Variants in SH2B2 observed in about 807,000 individuals in gnomAD.
SH2B2 encodes SH2B adaptor protein 2.
Under a neutral mutation model 35.7 loss-of-function variants are expected in SH2B2, and 37 were observed. The observed-to-expected ratio is 1.04, with a 90% confidence interval of 0.80 to 1.36. The LOEUF (loss-of-function observed/expected upper bound fraction) is 1.36. Among genes scored for constraint, SH2B2 ranks in the 40% most tolerant of loss-of-function variants. The probability of loss-of-function intolerance (pLI) is 0.00; values close to 1 mark genes in which losing one functional copy is unlikely to be tolerated. For synonymous variants in SH2B2, 383 were observed against 376.4 expected (o/e 1.02, Z -0.20); for missense variants, 852 against 817.7 (o/e 1.04, Z -0.51).
rs782550974 is a variant in SH2B2 at position 102,300,613 on chromosome 7, G to A, written c.63G>A (p.Pro21=). The change falls in exon 2 of 9, where the codon CCG becomes CCA. Residue 21 remains proline, a synonymous_variant. Coordinates refer to ENST00000444095, the MANE Select transcript of SH2B2 (RefSeq NM_001359228.2). ...CGGTCCCAGTCCCGGTCCCGGTCCC[G>A]GACTGGCGGCAGTTCTGCGAGCTGC... The part of the protein sequence containing the change: ...AAPVPVPVPV[P]DWRQFCELHA... 13 of 1,551,072 alleles carry A rather than the reference G, an allele frequency of 8.4e-6. No individual in the cohort carries two copies. Among genetic ancestry groups the A allele is most frequent in the East Asian group, 4.9e-5 (2 of 40,974 alleles).
intron 1 of SH2B2, among the ~76,000 whole-genome samples, chr7:102,300,285 C>T (rs1793090658): frequency 6.6e-6 from 1 of 152,238 alleles, no homozygotes; most frequent in South Asian, 2.1e-4. Flanking sequence ...CCACCTCGGC[C>T]TCCCAAAGTG....
chr7:102,301,208 A>G lies in SH2B2; in HGVS notation c.658A>G (p.Lys220Glu). 1 of 1,594,166 alleles carries G rather than the reference A, an allele frequency of 6.3e-7. No homozygotes were observed. Among genetic ancestry groups the G allele is most frequent in the East Asian group, 2.3e-5 (1 of 42,940 alleles). ...AGSGGSAQWQ[K>E]CRLLLRRAVA... ...CTCCGGGGGCTCGGCTCAGTGGCAG[A>G]AGTGCCGCCTGCTCCTGCGCAGGGC... Residue 220 changes from lysine to glutamate, a missense_variant, in exon 2 of 9, where the codon AAG becomes GAG. Physicochemically the swap from Lys to Glu is moderately conservative, Grantham distance 56. This residue lies in a region of SH2B2 where 556 missense variants were observed against 514.5 expected (regional missense o/e 1.08). Transcript: ENST00000444095.
In SH2B2 at chr7:102,317,271, G is replaced by A. The variant is rs373360709; in HGVS notation, c.1271G>A (p.Arg424Gln). The A allele has an allele frequency of 9.9e-6, 16 of 1,613,552 alleles. No individual in the cohort carries two copies. In the Admixed American group the frequency reaches 1.0e-4, roughly 10 times the overall value. The change falls in exon 7 of 9, where the codon CGG becomes CAG. Residue 424 changes from arginine to glutamine, a missense_variant. This residue lies in a region of SH2B2 where 556 missense variants were observed against 514.5 expected (regional missense o/e 1.08). Transcript: ENST00000444095. ...DYPWFHGTLS[R>Q]VKAAQLVLAG... is the part of the protein sequence containing the mutation. ...CCATGGTTCCACGGGACACTGTCCCGGGTCAAGGCTGCTCAACTGGTTCTG... is the reference window on the plus strand; with the variant it reads ...CCATGGTTCCACGGGACACTGTCCCAGGTCAAGGCTGCTCAACTGGTTCTG...
At chr7:102,308,062 C>T (rs1351456204) in intron 3 of SH2B2, among the ~76,000 whole-genome samples, 2 of 152,182 alleles carry the variant, frequency 1.3e-5, no homozygotes, top group Non-Finnish European at 2.9e-5. Context: ...TGAGCCACCG[C>T]GCCCGGCCCA....
chr7:102,287,476 G>T (rs2734619), intron 1 of SH2B2, among the ~76,000 whole-genome samples: 1 of 152,170 alleles, frequency 6.6e-6, no homozygotes, highest in Admixed American at 6.5e-5. Context: ...TCTTCCCTAC[G>T]CTGGGAGCGC....
In SH2B2 at chr7:102,314,588, T is replaced by A. The variant is rs1481581260; in HGVS notation, c.1092T>A (p.Asp364Glu). The change falls in exon 6 of 9, where the codon GAT becomes GAA. Residue 364 changes from aspartate (D) to glutamate (E), a missense_variant. Transcript: ENST00000444095. Reference protein sequence around the residue: ...VVTAPHSRGRDAVRESLIHVP... With the variant: ...VVTAPHSRGREAVRESLIHVP... ...CAGCCCCCCACAGCCGAGGTCGAGATGCCGTCAGAGAATCCCTGATCCACG... is the reference window on the plus strand; with the variant it reads ...CAGCCCCCCACAGCCGAGGTCGAGAAGCCGTCAGAGAATCCCTGATCCACG... 18 of 398,456 alleles carry A rather than the reference T, an allele frequency of 4.5e-5. No individual in the cohort carries two copies. Among genetic ancestry groups the A allele is most frequent in the Non-Finnish European group, 7.1e-5 (16 of 226,098 alleles). 24.7% of individuals were successfully genotyped at this position (398,456 alleles called of 1,614,324 possible). A position where few individuals can be genotyped will look rare whatever the true frequency, so the allele number is the denominator to read the frequency against.
chr7:102,316,068 C>G (rs782603982), intron 6 of SH2B2, among the ~76,000 whole-genome samples: 1 of 151,434 alleles, frequency 6.6e-6, no homozygotes, highest in Non-Finnish European at 1.5e-5. Context: ...TCGTTTGAGC[C>G]CAGGACTTCC....
In SH2B2 at chr7:102,314,528, C is replaced by T. The variant is rs897103169; in HGVS notation, c.1032C>T (p.Arg344=). The change falls in exon 6 of 9, where the codon CGC becomes CGT. Residue 344 remains arginine (R), a synonymous_variant. Coordinates refer to ENST00000444095, the MANE Select transcript of SH2B2 (RefSeq NM_001359228.2). Reference sequence around the variant, plus strand: ...CTTCCCCAGCAGTCGACCTGCCCCGCCCCCCAGAGACGACAGCCGTGGGTG... The same window carrying T: ...CTTCCCCAGCAGTCGACCTGCCCCGTCCCCCAGAGACGACAGCCGTGGGTG... ...ELLTDAVDLP[R]PPETTAVGAV... is the part of the protein sequence containing the mutation. 1 of 398,658 alleles carries T rather than the reference C, an allele frequency of 2.5e-6. No homozygotes were observed. Among genetic ancestry groups the T allele is most frequent in the Non-Finnish European group, 4.4e-6 (1 of 226,256 alleles). 24.7% of individuals were successfully genotyped at this position (398,658 alleles called of 1,614,324 possible). A position where few individuals can be genotyped will look rare whatever the true frequency, so the allele number is the denominator to read the frequency against.
chr7:102,301,589 C>CGTGT (rs1159497415), intron 2 of SH2B2, among the ~76,000 whole-genome samples: 1 of 149,942 alleles, frequency 6.7e-6, no homozygotes, highest in East Asian at 2.0e-4. Context: ...TGTGCGCGCG[C>CGTGT]GTGTGTGTGT....
At chr7:102,291,458 A>C (rs1792668906) in intron 1 of SH2B2, among the ~76,000 whole-genome samples, 1 of 152,166 alleles carries the variant, frequency 6.6e-6, no homozygotes, top group African/African-American at 2.4e-5. Context: ...GACCACTAGT[A>C]CCTAATCACC....
chr7:102,286,841 AGGCGCGCGCCTCGCGGGCGGAGG>A (rs1285144656), upstream of SH2B2: 16 of 18,134 alleles, frequency 8.8e-4, no homozygotes, highest in African/African-American at 1.3e-3. Context: ...CGGGGCCGGG[AGGCGCGCGCCTCGCGGGCGGAGG>A]GGCGCGCCGC....
intron 4 of SH2B2, chr7:102,309,533 A>G (rs1156872709): frequency 9.5e-6 from 3 of 316,504 alleles, no homozygotes; most frequent in Admixed American, 4.3e-5. Flanking sequence ...GCTAATTTTT[A>G]TATTTTTAGT....
chr7:102,286,473 C>T (rs1278821797), upstream of SH2B2, among the ~76,000 whole-genome samples: 2 of 152,284 alleles, frequency 1.3e-5, no homozygotes, highest in East Asian at 1.9e-4. Flanking sequence ...GCAGGACATT[C>T]CCCCGGCCCC....
intron 2 of SH2B2, among the ~76,000 whole-genome samples, chr7:102,306,108 C>T (rs1437367576): frequency 6.6e-6 from 1 of 151,280 alleles, no homozygotes; most frequent in African/African-American, 2.4e-5. Context: ...TTCTGTGAAA[C>T]GGAGTTTCAT....
At chr7:102,303,174 G>A (rs927284660) in intron 2 of SH2B2, among the ~76,000 whole-genome samples, 36 of 151,236 alleles carry the variant, frequency 2.4e-4, no homozygotes, top group African/African-American at 5.4e-4. Context: ...CCGAGATCAC[G>A]CCATTGCACT....
intron 1 of SH2B2, among the ~76,000 whole-genome samples, chr7:102,288,840 G>T (rs1172782034): frequency 5.9e-5 from 9 of 152,230 alleles, no homozygotes; most frequent in African/African-American, 2.2e-4. Flanking sequence ...CAACGAGCCA[G>T]GCCTCCCAAC....
intron 4 of SH2B2, among the ~76,000 whole-genome samples, chr7:102,311,131 C>T (rs1554555968): frequency 1.3e-5 from 2 of 152,136 alleles, no homozygotes; most frequent in Non-Finnish European, 2.9e-5. Context: ...TGCTCTGTCA[C>T]CCAGGCTGGA....
intron 7 of SH2B2, among the ~76,000 whole-genome samples, chr7:102,319,807 C>G (rs1554557911): frequency 2.0e-5 from 3 of 152,144 alleles, no homozygotes. Flanking sequence ...AGAAGCCAGC[C>G]CTGTTCCAGC....
At chr7:102,302,687 A>T (rs782162263) in intron 2 of SH2B2, among the ~76,000 whole-genome samples, 1 of 152,240 alleles carries the variant, frequency 6.6e-6, no homozygotes, top group Non-Finnish European at 1.5e-5. Context: ...AGATTACAGA[A>T]GAGAGCGCAG....
Sources: gnomAD v4.1 joint callset for allele counts (sites outside exome capture counted in the v4.1 genomes callset) on GRCh38, gnomAD v4.1.1 for gene constraint, gnomAD v4.1.1 regional missense constraint, MANE v1.5 for transcripts, NCBI Gene and HGNC (gene_info 2026-07-23, HGNC 2026-07-21) for gene names.